Variants in CA10 observed in about 807,000 individuals in gnomAD.
CA10 encodes the protein carbonic anhydrase 10 (inactive).
In CA10, 14 loss-of-function variants were observed where a neutral mutation model predicts 44.2. The ratio of observed to expected loss-of-function variants is 0.32; its 90% confidence interval spans 0.21 to 0.50. CA10 has a LOEUF of 0.50. Among genes scored for constraint, CA10 ranks in the 20% least tolerant of loss-of-function variants. The pLI is 0.99. For synonymous variants in CA10, 159 were observed against 141.6 expected, an observed-to-expected ratio of 1.12 and a Z score of -0.87; for missense variants, 350 against 409.7, an observed-to-expected ratio of 0.85 and a Z score of 1.26.
At chr17:52,136,866 A>C (rs886695378) in intron 1 of CA10, among the ~76,000 whole-genome samples, 4 of 152,166 alleles carry the variant, frequency 2.6e-5, no homozygotes, top group African/African-American at 9.6e-5. Context: ...TAAGAGAATA[A>C]ATTTTGCACC....
At chr17:52,021,521 T>G (rs1363124164) in intron 2 of CA10, among the ~76,000 whole-genome samples, 1 of 152,104 alleles carries the variant, frequency 6.6e-6, no homozygotes, top group Admixed American at 6.6e-5. Context: ...GATATCTCAT[T>G]GTAACTTTGA....
chr17:51,909,848 C>T (rs976725063), intron 3 of CA10, among the ~76,000 whole-genome samples: 6 of 152,172 alleles, frequency 3.9e-5, no homozygotes, highest in African/African-American at 1.4e-4. Context: ...CTTTCTTCAA[C>T]AGCCTGCCTG....
intron 3 of CA10, among the ~76,000 whole-genome samples, chr17:51,916,424 T>G (rs1005346219): frequency 6.6e-5 from 10 of 152,188 alleles, no homozygotes; most frequent in Admixed American, 3.9e-4. Context: ...ACAATTCCCA[T>G]GTGTCATGAG....
At chr17:51,959,142 C>T (rs1983772583) in intron 2 of CA10, among the ~76,000 whole-genome samples, 1 of 151,958 alleles carries the variant, frequency 6.6e-6, no homozygotes, top group African/African-American at 2.4e-5. Flanking sequence ...TAGAAAAGCC[C>T]CAGTCACAAA....
At chr17:52,010,478 C>T (rs1985751670) in intron 2 of CA10, among the ~76,000 whole-genome samples, 1 of 151,856 alleles carries the variant, frequency 6.6e-6, no homozygotes, top group Non-Finnish European at 1.5e-5. Context: ...TCACAGCAAC[C>T]TGGATGGAAG....
At chr17:52,102,973 T>C (rs1295418715) in intron 1 of CA10, among the ~76,000 whole-genome samples, 1 of 152,148 alleles carries the variant, frequency 6.6e-6, no homozygotes. Context: ...GGCTTTCATG[T>C]ATTAGATTTT....
At chr17:52,134,750 T>C (rs1206826231) in intron 1 of CA10, 1 of 423,008 alleles carries the variant, frequency 2.4e-6, no homozygotes, top group Non-Finnish European at 4.8e-6. Flanking sequence ...TGCAATTCTC[T>C]GTGTGACTCA....
intron 3 of CA10, among the ~76,000 whole-genome samples, chr17:51,903,289 GGA>G (rs1320970416): frequency 2.0e-5 from 3 of 152,124 alleles, no homozygotes; most frequent in African/African-American, 7.2e-5. Context: ...GCTATTCAAA[GGA>G]GAGTTTGCAG....
chr17:51,757,064 A>G (rs1256236021), intron 3 of CA10, among the ~76,000 whole-genome samples: 2 of 152,268 alleles, frequency 1.3e-5, no homozygotes, highest in Admixed American at 1.3e-4. Flanking sequence ...TTTCTTTGCA[A>G]CCGAAGTTTC....
intron 4 of CA10, among the ~76,000 whole-genome samples, chr17:51,716,537 C>T (rs1916120351): frequency 1.3e-5 from 2 of 152,132 alleles, no homozygotes; most frequent in African/African-American, 4.8e-5. Context: ...CCTCCTGGTT[C>T]TTGCCAGCCC....
At chr17:52,069,944 T>C (rs984262441) in intron 2 of CA10, among the ~76,000 whole-genome samples, 1 of 152,178 alleles carries the variant, frequency 6.6e-6, no homozygotes, top group Non-Finnish European at 1.5e-5. Context: ...CAGTAACAAA[T>C]TGAAGAACAC....
intron 3 of CA10, among the ~76,000 whole-genome samples, chr17:51,759,886 T>C (rs2143634639): frequency 6.6e-6 from 1 of 152,366 alleles, no homozygotes; most frequent in East Asian, 1.9e-4. Flanking sequence ...AAGCTCTTTC[T>C]AAATATATGT....
intron 4 of CA10, among the ~76,000 whole-genome samples, chr17:51,735,980 G>A (rs1446242266): frequency 3.3e-5 from 5 of 152,110 alleles, no homozygotes; most frequent in East Asian, 3.9e-4. Flanking sequence ...TGATGGAAGC[G>A]TTCTAGACCA....
chr17:51,927,907 G>T (rs761345199), intron 3 of CA10, among the ~76,000 whole-genome samples: 54 of 152,256 alleles, frequency 3.5e-4, no homozygotes, highest in Middle Eastern at 3.4e-3. Context: ...GGATTAATTA[G>T]CTCCAAACAA....
intron 3 of CA10, among the ~76,000 whole-genome samples, chr17:51,905,125 A>T (rs1007122030): frequency 6.6e-5 from 10 of 152,194 alleles, no homozygotes; most frequent in Non-Finnish European, 7.3e-5. Flanking sequence ...TGACAAAATA[A>T]GCAGTTGAAT....
intron 4 of CA10, among the ~76,000 whole-genome samples, chr17:51,702,980 A>G (rs1289227744): frequency 6.6e-6 from 1 of 152,136 alleles, no homozygotes; most frequent in Non-Finnish European, 1.5e-5. Flanking sequence ...TTCTCCTCAA[A>G]TAATTCAATT....
At chr17:51,728,243 T>C (rs1043631161) in intron 4 of CA10, among the ~76,000 whole-genome samples, 3 of 152,214 alleles carry the variant, frequency 2.0e-5, no homozygotes, top group African/African-American at 7.2e-5. Flanking sequence ...GTTAAGATAG[T>C]ACAGGAAGTT....
At chr17:51,699,205 C>T (rs1159853329) in intron 4 of CA10, among the ~76,000 whole-genome samples, 2 of 152,082 alleles carry the variant, frequency 1.3e-5, no homozygotes, top group Admixed American at 1.3e-4. Context: ...CACTTGTAAT[C>T]CCAGCTACTT....
intron 3 of CA10, among the ~76,000 whole-genome samples, chr17:51,879,332 T>A (rs1980256648): frequency 6.6e-6 from 1 of 152,208 alleles, no homozygotes; most frequent in Non-Finnish European, 1.5e-5. Flanking sequence ...AATAGCTGCA[T>A]AAGCCTTTAA....
Sources: allele counts gnomAD v4.1 joint callset (sites outside exome capture counted in the v4.1 genomes callset), GRCh38; gene constraint gnomAD v4.1.1; transcripts MANE v1.5; gene names NCBI Gene and HGNC (gene_info 2026-07-23, HGNC 2026-07-21).